The following FAT1 variants were observed in gnomAD, a reference collection of about 807,000 sequenced individuals.
FAT1 encodes the protein protocadherin Fat 1.
FAT1 carries 171 observed loss-of-function variants against 329.8 expected under a neutral mutation model. The ratio of observed to expected loss-of-function variants is 0.52; its 90% CI spans 0.46 to 0.59. FAT1 has a LOEUF of 0.59. FAT1 is among the 20% of genes least tolerant of loss of function. FAT1 has a pLI of 0.00. For missense variants in FAT1, 5,672 were observed against 5,774.4 expected (o/e 0.98, Z 0.57); for synonymous variants, 2,233 against 2,228.6 (o/e 1.00, Z -0.06).
At chr4:186,657,849 TTAAC>T (rs1741977081) in intron 3 of FAT1, among the ~76,000 whole-genome samples, 1 of 152,176 alleles carries the variant, frequency 6.6e-6, no homozygotes, top group Non-Finnish European at 1.5e-5. Context: ...AGCAATAACT[TTAAC>T]TAAAAAGACT....
In FAT1 at chr4:186,596,400, A is replaced by G. The variant is rs1304482556; in HGVS notation, c.13000+140T>C. Reference sequence around the variant, plus strand: ...AACCCAGCAATCGGGACATCCAAAAAAGTTTCAAATCATCATACGGATTTC... The same window carrying G: ...AACCCAGCAATCGGGACATCCAAAAGAGTTTCAAATCATCATACGGATTTC... On this transcript the variant is annotated intron_variant, in intron 25 of 26. Transcript: ENST00000441802. The surrounding 1 kb of genome is among the most constrained non-coding windows in gnomAD (Gnocchi z 4.7). 1.1e-5 allele frequency: 10 copies of G among 914,246 alleles called. No homozygotes were observed. The highest frequency in any genetic ancestry group is 1.6e-5 in the Non-Finnish European group (10 of 622,086). 56.6% of individuals were successfully genotyped at this position (914,246 alleles called of 1,614,324 possible).
intron 16 of FAT1, among the ~76,000 whole-genome samples, chr4:186,607,446 G>T (rs1423020500): frequency 1.4e-5 from 2 of 139,258 alleles, no homozygotes; most frequent in African/African-American, 5.6e-5. Flanking sequence ...TGAATGAATG[G>T]GTAAGTGGAT....
intron 3 of FAT1, among the ~76,000 whole-genome samples, chr4:186,660,752 A>G (rs958422777): frequency 1.4e-4 from 21 of 152,194 alleles, no homozygotes; most frequent in African/African-American, 5.1e-4. Flanking sequence ...AGGCAATGCC[A>G]TATTAATCAT....
chr4:186,715,819 C>T lies in FAT1; in HGVS notation c.-18-5974G>A, dbSNP rs1279915929. On this transcript the variant is annotated intron_variant, in intron 1 of 26. Coordinates refer to ENST00000441802, the MANE Select transcript of FAT1 (RefSeq NM_005245.4). ...AGTCTAGCCTTGAAGGAGAAGGGCTCCCAGTCTAAAGCTTAAATATCTTTA... is the reference window on the plus strand; with the variant it reads ...AGTCTAGCCTTGAAGGAGAAGGGCTTCCAGTCTAAAGCTTAAATATCTTTA... 3.9e-5 allele frequency among the ~76,000 whole-genome samples: 6 copies of T among 152,164 alleles called. No homozygotes were observed. In the East Asian group the frequency reaches 1.2e-3, roughly 29 times the overall value.
At chr4:186,594,185 C>T (rs940178615) in intron 26 of FAT1, among the ~76,000 whole-genome samples, 1 of 152,014 alleles carries the variant, frequency 6.6e-6, no homozygotes, top group Non-Finnish European at 1.5e-5. Context: ...CCTGCCTCAG[C>T]CTCCCCAGTA....
intron 2 of FAT1, among the ~76,000 whole-genome samples, chr4:186,670,965 T>C (rs1742698867): frequency 6.6e-6 from 1 of 152,158 alleles, no homozygotes; most frequent in Non-Finnish European, 1.5e-5. Flanking sequence ...ACATCTTACA[T>C]ACTCATGTAA....
intron 1 of FAT1, among the ~76,000 whole-genome samples, chr4:186,718,290 C>G (rs1194507478): frequency 6.6e-6 from 1 of 152,166 alleles, no homozygotes; most frequent in Admixed American, 6.5e-5. Context: ...TCTGATACCA[C>G]AAAATCCTGC....
Position 186,611,678 on chromosome 4 carries a change from C to T in FAT1, c.9561G>A (p.Leu3187=), listed in dbSNP as rs2126469503. Residue 3187 remains leucine, a synonymous_variant, in exon 14 of 27, where the codon TTG becomes TTA. Transcript: ENST00000441802. ...TGTATACTGCCTGGAGTTCTCTGTCCAAAGGTTTTTCTAACTGAATAATTC... is the reference window on the plus strand; with the variant it reads ...TGTATACTGCCTGGAGTTCTCTGTCTAAAGGTTTTTCTAACTGAATAATTC... The part of the protein sequence containing the change: ...LSGIIQLEKP[L]DRELQAVYTL... 6.2e-7 allele frequency: 1 copy of T among 1,609,658 alleles called. No homozygotes were observed. The highest frequency in any genetic ancestry group is 8.5e-7 in the Non-Finnish European group (1 of 1,177,712).
intron 3 of FAT1, among the ~76,000 whole-genome samples, chr4:186,660,801 A>G (rs1742131012): frequency 6.6e-6 from 1 of 152,218 alleles, no homozygotes; most frequent in South Asian, 2.1e-4. Context: ...CAGACACATC[A>G]TCATTTCTGG....
At chr4:186,635,474 C>T (rs1304696157) in intron 6 of FAT1, among the ~76,000 whole-genome samples, 1 of 152,144 alleles carries the variant, frequency 6.6e-6, no homozygotes, top group Non-Finnish European at 1.5e-5. Flanking sequence ...AATCCTCCTA[C>T]CTGTTGAAAA....
chr4:186,602,321 TGA>T (rs1417309970), intron 20 of FAT1, among the ~76,000 whole-genome samples: 3 of 152,210 alleles, frequency 2.0e-5, no homozygotes, highest in African/African-American at 7.2e-5. Context: ...CATTGATGTT[TGA>T]GATAGCAAAT....
At chr4:186,622,726 T>C (rs1740106025) in intron 9 of FAT1, among the ~76,000 whole-genome samples, 1 of 152,238 alleles carries the variant, frequency 6.6e-6, no homozygotes, top group South Asian at 2.1e-4. Context: ...CCCTTTTGGA[T>C]AAATCAGGGT....
At chr4:186,614,379 G>C (rs756580775) in intron 11 of FAT1, 35 bp from the exon 12 acceptor site, 2 of 1,379,282 alleles carry the variant, frequency 1.5e-6, no homozygotes, top group Admixed American at 2.7e-5. Flanking sequence ...TTACATAAAA[G>C]CATTAACAGG....
In FAT1 at chr4:186,723,781, G is replaced by T. The variant is rs1382181633; in HGVS notation, c.-136C>A. 1.3e-5 allele frequency: 2 copies of T among 150,550 alleles called. No individual in the cohort carries two copies. The highest frequency in any genetic ancestry group is 2.0e-4 in the East Asian group (1 of 5,060). The allele number at this position is 150,550 out of a possible 1,614,324, so 9.3% of individuals were successfully genotyped here. ...CTCGCCGGGCTCGCGCGTCCGCATG[G>T]TACCTGCCGCACGAGCCGCTCCCGC... On this transcript the variant is annotated 5_prime_UTR_variant, in exon 1 of 27. Transcript: ENST00000441802.
In FAT1 at chr4:186,619,053, C is replaced by T. The variant is rs537630928; in HGVS notation, c.7533G>A (p.Val2511=). The T allele has an allele frequency of 1.2e-6, 2 of 1,614,034 alleles. No individual in the cohort carries two copies. The highest frequency in any genetic ancestry group is 1.7e-5 in the Admixed American group (1 of 60,036). ...LAENAPLHTL[V]MEVKTTDGDS... Reference sequence around the variant, plus strand: ...CCCCATCCGTAGTTTTCACCTCCATCACCAGGGTATGTAGGGGAGCGTTTT... The same window carrying T: ...CCCCATCCGTAGTTTTCACCTCCATTACCAGGGTATGTAGGGGAGCGTTTT... Residue 2511 remains valine, a synonymous_variant, in exon 10 of 27, where the codon GTG becomes GTA. Coordinates refer to ENST00000441802, the MANE Select transcript of FAT1 (RefSeq NM_005245.4).
Position 186,706,732 on chromosome 4 carries a change from G to C in FAT1, c.3096C>G (p.Pro1032=), listed in dbSNP as rs370110975. The C allele has an allele frequency of 7.6e-5, 122 of 1,613,826 alleles. No individual in the cohort carries two copies. Among genetic ancestry groups the C allele is most frequent in the Non-Finnish European group, 9.9e-5 (117 of 1,179,894 alleles). The change falls in exon 2 of 27, where the codon CCC becomes CCG. Residue 1032 remains proline, a synonymous_variant. Coordinates refer to ENST00000441802, the MANE Select transcript of FAT1 (RefSeq NM_005245.4). ...VVDVNENLHP[P]VFSSFVEKGT... The stretch of plus-strand genomic sequence containing the variant: ...CCTTTTCCACAAAGCTGGAAAACAC[G>C]GGTGGGTGCAGGTTCTCATTCACAT...
intron 2 of FAT1, among the ~76,000 whole-genome samples, chr4:186,705,566 T>G (rs761981065): frequency 6.6e-6 from 1 of 152,234 alleles, no homozygotes; most frequent in Non-Finnish European, 1.5e-5. Flanking sequence ...CATTTACTCC[T>G]GCAGTCTTTT....
chr4:186,605,704 G>C (rs1184728926), intron 17 of FAT1, among the ~76,000 whole-genome samples: 2 of 150,100 alleles, frequency 1.3e-5, no homozygotes, highest in Non-Finnish European at 3.0e-5. Context: ...GAAGAAAGTG[G>C]AGTAGAAGAT....
rs1192045823 is a variant in FAT1 at position 186,609,821 on chromosome 4, G to T, written c.10048C>A (p.Leu3350Ile). 6.2e-7 allele frequency: 1 copy of T among 1,612,758 alleles called. No individual in the cohort carries two copies. The change falls in exon 15 of 27, where the codon CTT becomes ATT. Residue 3350 changes from leucine to isoleucine, a missense_variant. This residue lies in a region of FAT1 where 1,706 missense variants were observed against 1,859.1 expected (regional missense o/e 0.92). Transcript: ENST00000441802. The part of the protein sequence containing the change: ...YTTVISEDAV[L>I]EQSVITVMAD... The stretch of plus-strand genomic sequence containing the variant: ...CACACCGTGATGACAGACTGCTCAA[G>T]AACGGCATCTTCACTGATGACTGTC...
Sources: allele counts gnomAD v4.1 joint callset (sites outside exome capture counted in the v4.1 genomes callset), GRCh38; gene constraint gnomAD v4.1.1; regional missense constraint gnomAD v4.1.1; non-coding constraint Gnocchi (gnomAD v3.1); transcripts MANE v1.5; gene names NCBI Gene and HGNC (gene_info 2026-07-23, HGNC 2026-07-21).